Variants in CNTLN observed in about 807,000 individuals in gnomAD.
CNTLN encodes centlein, centrosomal protein.
In CNTLN, 212 loss-of-function variants were observed where a neutral mutation model predicts 180.0. The observed-to-expected ratio is 1.18, with a 90% CI of 1.05 to 1.32. The LOEUF (loss-of-function observed/expected upper bound fraction) is 1.32, where lower values mean the gene tolerates loss of function less well. Among genes scored for constraint, CNTLN ranks in the 40% most tolerant of loss-of-function variants. CNTLN has a pLI of 0.00. For missense variants in CNTLN, 2,095 were observed against 1,610.9 expected (o/e 1.30, Z -5.14); for synonymous variants, 722 against 563.1 (o/e 1.28, Z -3.99).
Position 17,394,931 on chromosome 9 carries a change from C to A in CNTLN, c.2477C>A (p.Thr826Asn), listed in dbSNP as rs1264815955. 1.2e-6 allele frequency: 2 copies of A among 1,613,962 alleles called. No individual in the cohort carries two copies. The highest frequency in any genetic ancestry group is 2.2e-5 in the East Asian group (1 of 44,874). Reference protein sequence around the residue: ...SGRYDCKTTMTKVKFKAAKKN... With the variant: ...SGRYDCKTTMNKVKFKAAKKN... ...CGATATGATTGTAAGACAACTATGA[C>A]CAAGGTTAAATTTAAAGCTGCGAAG... is the stretch of plus-strand genomic sequence containing the variant. Residue 826 changes from threonine to asparagine, a missense_variant, in exon 15 of 26, where the codon ACC (threonine) becomes AAC (asparagine). Physicochemically the swap from Thr to Asn is moderately conservative, Grantham distance 65. Coordinates refer to ENST00000380647, the MANE Select transcript of CNTLN (RefSeq NM_017738.4).
chr9:17,317,114 C>A (rs894595204), intron 8 of CNTLN, among the ~76,000 whole-genome samples: 5 of 151,664 alleles, frequency 3.3e-5, no homozygotes, highest in Non-Finnish European at 7.4e-5. Context: ...GGTGAGAAAT[C>A]TGATGTAATT....
intron 23 of CNTLN, among the ~76,000 whole-genome samples, chr9:17,481,052 C>G (rs543133343): frequency 1.3e-5 from 2 of 152,262 alleles, no homozygotes; most frequent in Admixed American, 6.5e-5. Flanking sequence ...AGCAACCTTG[C>G]CAGCCCCAGA....
intron 12 of CNTLN, among the ~76,000 whole-genome samples, chr9:17,343,138 A>G (rs1821617810): frequency 6.6e-6 from 1 of 152,238 alleles, no homozygotes; most frequent in Non-Finnish European, 1.5e-5. Flanking sequence ...TATTTTAGAA[A>G]ACATACAGTT....
the CNTLN span, among the ~76,000 whole-genome samples, chr9:17,525,267 A>G: frequency 2.6e-5 from 4 of 152,266 alleles, no homozygotes; most frequent in Admixed American, 1.3e-4. Flanking sequence ...GTCATTTTTG[A>G]GGTACTGCAG....
At chr9:17,170,640 ATTTG>A (rs1820362303) in intron 2 of CNTLN, among the ~76,000 whole-genome samples, 1 of 151,410 alleles carries the variant, frequency 6.6e-6, no homozygotes, top group African/African-American at 2.4e-5. Flanking sequence ...CAGCTTCGGA[ATTTG>A]TTTCTTTTTA....
intron 10 of CNTLN, among the ~76,000 whole-genome samples, chr9:17,335,018 A>G (rs1291307031): frequency 6.6e-6 from 1 of 151,974 alleles, no homozygotes; most frequent in East Asian, 1.9e-4. Flanking sequence ...AGGAAAGCTG[A>G]TGGTGTAAGT....
intron 14 of CNTLN, among the ~76,000 whole-genome samples, chr9:17,391,010 C>T (rs114970993): frequency 0.022 from 3,334 of 152,028 alleles, 109 homozygotes; most frequent in African/African-American, 0.076. Context: ...CAGGTTAACA[C>T]GAGAAATACA....
In CNTLN at chr9:17,325,934, C is replaced by T. The variant is rs142576526; in HGVS notation, c.1342-4698C>T. ...TTCTATGTATTAGGCAATATTCAGTCGGCCCCCACTGTAATAATGCCCTAC... is the reference window on the plus strand; with the variant it reads ...TTCTATGTATTAGGCAATATTCAGTTGGCCCCCACTGTAATAATGCCCTAC... On this transcript the variant is annotated intron_variant, in intron 8 of 25. Coordinates refer to ENST00000380647, the MANE Select transcript of CNTLN (RefSeq NM_017738.4). 2.0e-3 allele frequency among the ~76,000 whole-genome samples: 301 copies of T among 152,052 alleles called. 2 individuals are homozygous for T. Among genetic ancestry groups the T allele is most frequent in the African/African-American group, 7.0e-3 (292 of 41,500 alleles).
At chr9:17,434,073 A>G (rs1334297690) in intron 18 of CNTLN, among the ~76,000 whole-genome samples, 3 of 152,164 alleles carry the variant, frequency 2.0e-5, no homozygotes, top group Non-Finnish European at 4.4e-5. Flanking sequence ...ATTAGATTAT[A>G]TAACTGCAAG....
intron 15 of CNTLN, among the ~76,000 whole-genome samples, chr9:17,408,269 C>T (rs1416999055): frequency 6.6e-6 from 1 of 151,770 alleles, no homozygotes; most frequent in Non-Finnish European, 1.5e-5. Flanking sequence ...TAGTTAAAAG[C>T]TCATCCATGT....
At chr9:17,234,878 T>G (rs1262403826) in intron 3 of CNTLN, among the ~76,000 whole-genome samples, 9 of 152,156 alleles carry the variant, frequency 5.9e-5, no homozygotes, top group Non-Finnish European at 1.0e-4. Flanking sequence ...ATGGATTTCA[T>G]TTTTAGTAAG....
chr9:17,391,824 G>C (rs1442524), intron 14 of CNTLN, among the ~76,000 whole-genome samples: 74,606 of 151,786 alleles, frequency 0.49, 19,849 homozygotes, highest in Non-Finnish European at 0.6. Flanking sequence ...ACTACTTACT[G>C]TCAGGAATTA....
At chr9:17,403,440 C>T (rs1827136093) in intron 15 of CNTLN, among the ~76,000 whole-genome samples, 1 of 151,610 alleles carries the variant, frequency 6.6e-6, no homozygotes, top group South Asian at 2.1e-4. Context: ...CAAAAAAGAC[C>T]AATTGCAAAT....
At chr9:17,140,802 T>C (rs1818037936) in intron 1 of CNTLN, among the ~76,000 whole-genome samples, 1 of 152,222 alleles carries the variant, frequency 6.6e-6, no homozygotes, top group African/African-American at 2.4e-5. Context: ...CATTATGTTG[T>C]ATGCCATAAA....
In CNTLN at chr9:17,409,391, A is replaced by G. The variant is rs199792991; in HGVS notation, c.2714A>G (p.Glu905Gly). 32 of 1,613,548 alleles carry G rather than the reference A, an allele frequency of 2.0e-5. No individual in the cohort carries two copies. The Admixed American group carries it at 3.8e-4, about 19-fold the overall frequency. Residue 905 changes from glutamate to glycine, a missense_variant, in exon 16 of 26, where the codon GAA becomes GGA. Physicochemically the swap from Glu to Gly is moderately conservative, Grantham distance 98. Transcript: ENST00000380647. ...ACGGAAGATGGAAAAGACCAGAAAG[A>G]AAGTGATCCAACAGAAGACAGCCAA... Reference protein sequence around the residue: ...SPTEDGKDQKESDPTEDSQTQ... With the variant: ...SPTEDGKDQKGSDPTEDSQTQ...
At chr9:17,211,510 T>C (rs1823308885) in intron 2 of CNTLN, among the ~76,000 whole-genome samples, 1 of 152,226 alleles carries the variant, frequency 6.6e-6, no homozygotes. Context: ...CTTTGTTCTT[T>C]TGGCTTAGGA....
intron 18 of CNTLN, among the ~76,000 whole-genome samples, chr9:17,430,736 A>G (rs966878805): frequency 6.6e-6 from 1 of 152,112 alleles, no homozygotes; most frequent in Non-Finnish European, 1.5e-5. Context: ...GGTAACCACC[A>G]TTCTACTCAC....
chr9:17,216,084 A>G (rs776900669), intron 2 of CNTLN, among the ~76,000 whole-genome samples: 1 of 152,140 alleles, frequency 6.6e-6, no homozygotes, highest in Non-Finnish European at 1.5e-5. Flanking sequence ...GACAAGCCCC[A>G]GTGAGTTGAA....
chr9:17,405,657 C>T (rs1827328639), intron 15 of CNTLN, among the ~76,000 whole-genome samples: 2 of 151,716 alleles, frequency 1.3e-5, no homozygotes, highest in Admixed American at 6.6e-5. Flanking sequence ...CTTTGGAGGA[C>T]ACATTAAAAG....
Sources: gnomAD v4.1 joint callset for allele counts (sites outside exome capture counted in the v4.1 genomes callset) on GRCh38, gnomAD v4.1.1 for gene constraint, MANE v1.5 for transcripts, NCBI Gene and HGNC (gene_info 2026-07-23, HGNC 2026-07-21) for gene names.